The following MOB3B variants were observed in gnomAD, a reference collection of about 807,000 sequenced individuals.
MOB3B encodes MOB kinase activator-like 2B.
MOB3B carries 7 observed loss-of-function variants against 18.7 expected under a neutral mutation model. That is an observed-to-expected ratio of 0.37 (90% confidence interval 0.21 to 0.70). The LOEUF (loss-of-function observed/expected upper bound fraction) is 0.70, where lower values mean the gene tolerates loss of function less well. MOB3B is among the 30% of genes least tolerant of loss of function. The pLI, the probability that MOB3B is intolerant of heterozygous loss-of-function variation, is 0.52. For synonymous variants in MOB3B, 111 were observed against 99.9 expected, an observed-to-expected ratio of 1.11 and a Z score of -0.66; for missense variants, 253 against 281.3, an observed-to-expected ratio of 0.90 and a Z score of 0.72.
chr9:27,502,226 A>G (rs933210759), intron 1 of MOB3B, among the ~76,000 whole-genome samples: 2 of 152,180 alleles, frequency 1.3e-5, no homozygotes, highest in Non-Finnish European at 2.9e-5. Context: ...AACCACAGCA[A>G]TCTTTATATC....
At chr9:27,430,103 C>T (rs1284546769) in intron 2 of MOB3B, among the ~76,000 whole-genome samples, 2 of 152,182 alleles carry the variant, frequency 1.3e-5, no homozygotes, top group Non-Finnish European at 2.9e-5. Flanking sequence ...TGATCAATCT[C>T]TCTGGATTTA....
At chr9:27,527,207 TTA>T (rs1165651347) in intron 1 of MOB3B, among the ~76,000 whole-genome samples, 1 of 152,232 alleles carries the variant, frequency 6.6e-6, no homozygotes, top group Non-Finnish European at 1.5e-5. Context: ...AAATGCTCTT[TTA>T]TTTTGTTAAT....
At chr9:27,367,142 C>T (rs1374080679) in intron 2 of MOB3B, among the ~76,000 whole-genome samples, 1 of 152,110 alleles carries the variant, frequency 6.6e-6, no homozygotes, top group Non-Finnish European at 1.5e-5. Context: ...ACTTGCTGAC[C>T]GTTGGAATGA....
At chr9:27,475,177 C>G (rs1469439648) in intron 1 of MOB3B, among the ~76,000 whole-genome samples, 1 of 152,152 alleles carries the variant, frequency 6.6e-6, no homozygotes, top group Non-Finnish European at 1.5e-5. Flanking sequence ...AAAAGCCAGC[C>G]AGTGAGGAGC....
At position 27,454,167 on chromosome 9, in the gene MOB3B, A is replaced by C. The variant is rs192740244; in HGVS notation, c.418+966T>G. Reference sequence around the variant, plus strand: ...ATTACTTCCATACACGCCCTTCTCAACTTTCCAGGTGCTATGTGGGGACAC... The same window carrying C: ...ATTACTTCCATACACGCCCTTCTCACCTTTCCAGGTGCTATGTGGGGACAC... On this transcript the variant is annotated intron_variant, in intron 2 of 3. Transcript: ENST00000262244. Among the ~76,000 whole-genome samples, 45 of 152,344 alleles carry C rather than the reference A, an allele frequency of 3.0e-4. No homozygotes were observed. In the East Asian group the frequency reaches 7.3e-3, roughly 25 times the overall value.
chr9:27,367,084 G>A (rs563252114), intron 2 of MOB3B, among the ~76,000 whole-genome samples: 5 of 152,274 alleles, frequency 3.3e-5, no homozygotes, highest in South Asian at 2.1e-4. Context: ...CCTTAGTGAC[G>A]TCTCCTTAGT....
intron 1 of MOB3B, among the ~76,000 whole-genome samples, chr9:27,485,106 T>C (rs1315710674): frequency 1.6e-4 from 25 of 152,194 alleles, no homozygotes; most frequent in Admixed American, 1.6e-3. Context: ...ATCCAGTCCA[T>C]ATATTGATAA....
At chr9:27,402,689 C>G (rs1045081156) in intron 2 of MOB3B, among the ~76,000 whole-genome samples, 5 of 152,238 alleles carry the variant, frequency 3.3e-5, no homozygotes, top group African/African-American at 4.8e-5. Context: ...ATGGGGACTG[C>G]CTTCATTTTC....
At chr9:27,475,271 C>A (rs1819537149) in intron 1 of MOB3B, among the ~76,000 whole-genome samples, 1 of 152,244 alleles carries the variant, frequency 6.6e-6, no homozygotes, top group Non-Finnish European at 1.5e-5. Flanking sequence ...CCTTCCCAGT[C>A]AAACCTTGAT....
chr9:27,518,961 G>A (rs1820283287), intron 1 of MOB3B, among the ~76,000 whole-genome samples: 1 of 152,136 alleles, frequency 6.6e-6, no homozygotes, highest in Non-Finnish European at 1.5e-5. Context: ...AATCAACCAA[G>A]AAATACAAAA....
intron 3 of MOB3B, among the ~76,000 whole-genome samples, chr9:27,340,066 A>G (rs753797112): frequency 5.3e-5 from 8 of 152,274 alleles, no homozygotes; most frequent in Non-Finnish European, 1.2e-4. Flanking sequence ...AAATAAGCCA[A>G]ACGAAATAAA....
chr9:27,418,358 C>A (rs1563863862), intron 2 of MOB3B, among the ~76,000 whole-genome samples: 1 of 151,882 alleles, frequency 6.6e-6, no homozygotes, highest in Non-Finnish European at 1.5e-5. Context: ...ACCCTAATAC[C>A]AAAACCAGGA....
At chr9:27,362,957 A>ATGG (rs1467717554) in intron 2 of MOB3B, among the ~76,000 whole-genome samples, 1 of 152,194 alleles carries the variant, frequency 6.6e-6, no homozygotes, top group Non-Finnish European at 1.5e-5. Context: ...GAGACCTCGG[A>ATGG]TGTCCACCCC....
chr9:27,465,460 G>A (rs1379592724), intron 1 of MOB3B, among the ~76,000 whole-genome samples: 2 of 152,314 alleles, frequency 1.3e-5, no homozygotes, highest in African/African-American at 4.8e-5. Context: ...TTAAGTGTGT[G>A]TGGCTTTTCC....
At chr9:27,352,813 G>A (rs145260966) in intron 3 of MOB3B, among the ~76,000 whole-genome samples, 2,082 of 152,334 alleles carry the variant, frequency 0.014, 31 homozygotes, top group Non-Finnish European at 0.022. Flanking sequence ...AAAAAGTCCA[G>A]TAGCCAAATG....
At chr9:27,505,759 C>T (rs1422118502) in intron 1 of MOB3B, among the ~76,000 whole-genome samples, 1 of 152,170 alleles carries the variant, frequency 6.6e-6, no homozygotes, top group Non-Finnish European at 1.5e-5. Flanking sequence ...TGCACTTTGG[C>T]AAACCCTGAA....
At chr9:27,430,015 T>C (rs964416275) in intron 2 of MOB3B, among the ~76,000 whole-genome samples, 4 of 151,998 alleles carry the variant, frequency 2.6e-5, no homozygotes, top group Admixed American at 2.6e-4. Context: ...TCCAACAGAG[T>C]TCCCTGATGG....
At chr9:27,369,719 T>C (rs552263172) in intron 2 of MOB3B, among the ~76,000 whole-genome samples, 2 of 152,356 alleles carry the variant, frequency 1.3e-5, no homozygotes, top group East Asian at 3.9e-4. Flanking sequence ...CACTTGCTTC[T>C]GGGCGTTGCT....
At chr9:27,526,014 T>A (rs531937131) in intron 1 of MOB3B, 22 of 152,326 alleles carry the variant, frequency 1.4e-4, no homozygotes, top group African/African-American at 5.1e-4. Flanking sequence ...CAGAATCATC[T>A]ACCTTCAAGC....
Sources: allele counts gnomAD v4.1 joint callset (sites outside exome capture counted in the v4.1 genomes callset), GRCh38; gene constraint gnomAD v4.1.1; transcripts MANE v1.5; gene names NCBI Gene and HGNC (gene_info 2026-07-23, HGNC 2026-07-21).